RAD50: variants seen among roughly 807,000 people sequenced by gnomAD.
RAD50 encodes RAD50 double strand break repair protein.
Under a neutral mutation model 168.8 loss-of-function variants are expected in RAD50, and 132 were observed. The ratio of observed to expected loss-of-function variants is 0.78; its 90% CI spans 0.68 to 0.90. The LOEUF (loss-of-function observed/expected upper bound fraction) is 0.90, where lower values mean the gene tolerates loss of function less well. RAD50 is among the 40% of genes least tolerant of loss of function. The pLI, the probability that RAD50 is intolerant of heterozygous loss-of-function variation, is 0.00. For synonymous variants in RAD50, 525 were observed against 497.4 expected (o/e 1.06, Z -0.74); for missense variants, 1,347 against 1,534.4 (o/e 0.88, Z 2.04).
At chr5:132,576,174 G>T (rs989307607) in intron 3 of RAD50, among the ~76,000 whole-genome samples, 1 of 152,044 alleles carries the variant, frequency 6.6e-6, no homozygotes, top group Non-Finnish European at 1.5e-5. Flanking sequence ...ATTTTTTGTG[G>T]ATACTATTTG....
chr5:132,635,631 C>T (rs1751565743), intron 21 of RAD50, among the ~76,000 whole-genome samples: 1 of 152,172 alleles, frequency 6.6e-6, no homozygotes, highest in South Asian at 2.1e-4. Context: ...GCCTTGGCCA[C>T]CCCTGCCTTG....
rs1751298639 is a variant in RAD50 at position 132,622,207 on chromosome 5, C to G, written c.3389+3913C>G. Reference sequence around the variant, plus strand: ...ACAGAGTCTGGCTCTGTCGCCCAGGCTAGAGTGCAGTGGCATGATCTCGGC... The same window carrying G: ...ACAGAGTCTGGCTCTGTCGCCCAGGGTAGAGTGCAGTGGCATGATCTCGGC... On this transcript the variant is annotated intron_variant, in intron 21 of 24. Transcript: ENST00000378823. 4.6e-5 allele frequency among the ~76,000 whole-genome samples: 7 copies of G among 151,894 alleles called. No homozygotes were observed. The South Asian group carries it at 1.5e-3, about 32-fold the overall frequency.
rs1751777395 is a variant in RAD50 at position 132,643,379 on chromosome 5, G to A, written c.*1015G>A. On this transcript the variant is annotated 3_prime_UTR_variant, in exon 25 of 25. Coordinates refer to ENST00000378823, the MANE Select transcript of RAD50 (RefSeq NM_005732.4). ...TGAATCCTTCCATTCCACACAGAAT[G>A]CAACCAAGTCACACGCTTTTGAATT... 1 of 242,602 alleles carries A rather than the reference G, an allele frequency of 4.1e-6. No individual in the cohort carries two copies. Among genetic ancestry groups the A allele is most frequent in the Non-Finnish European group, 8.3e-6 (1 of 119,778 alleles). The allele number at this position is 242,602 out of a possible 1,614,324, so 15.0% of individuals were successfully genotyped here.
intron 16 of RAD50, among the ~76,000 whole-genome samples, chr5:132,605,619 T>G (rs941824740): frequency 2.6e-5 from 4 of 152,192 alleles, no homozygotes; most frequent in African/African-American, 9.6e-5. Context: ...CAGGCTTACA[T>G]CACCTCACCC....
intron 2 of RAD50, among the ~76,000 whole-genome samples, chr5:132,564,736 A>G (rs1646029144): frequency 6.6e-6 from 1 of 152,208 alleles, no homozygotes; most frequent in African/African-American, 2.4e-5. Flanking sequence ...GCTAGAAGGC[A>G]TTTCAGAGAT....
chr5:132,596,169 A>G (rs1000330068), intron 13 of RAD50, among the ~76,000 whole-genome samples: 1 of 151,754 alleles, frequency 6.6e-6, no homozygotes. Flanking sequence ...AATTTTTGTA[A>G]TTTTTAGTAG....
intron 13 of RAD50, among the ~76,000 whole-genome samples, chr5:132,596,215 G>A (rs1312198331): frequency 3.0e-5 from 4 of 133,962 alleles, no homozygotes; most frequent in East Asian, 2.0e-4. Context: ...GGCTAATCTC[G>A]AGCTCCTGGC....
intron 2 of RAD50, among the ~76,000 whole-genome samples, chr5:132,561,022 C>T (rs1750115985): frequency 6.6e-6 from 1 of 152,206 alleles, no homozygotes; most frequent in South Asian, 2.1e-4. Context: ...TCTCAATGTG[C>T]CAGATAGAGT....
intron 21 of RAD50, among the ~76,000 whole-genome samples, chr5:132,633,899 A>G (rs1751522075): frequency 7.2e-6 from 1 of 139,578 alleles, no homozygotes; most frequent in Non-Finnish European, 1.5e-5. Flanking sequence ...ATAACGGGTA[A>G]TAATTTTTTT....
In RAD50 at chr5:132,618,201, A is replaced by T; in HGVS notation, c.3296A>T (p.Asp1099Val). The T allele has an allele frequency of 6.2e-7, 1 of 1,614,010 alleles. No homozygotes were observed. The highest frequency in any genetic ancestry group is 8.5e-7 in the Non-Finnish European group (1 of 1,179,974). The change falls in exon 21 of 25, where the codon GAT becomes GTT. Residue 1099 changes from aspartate (D) to valine (V), a missense_variant. Around this residue, in one of 3 missense-constraint regions of RAD50, gnomAD observed 635 missense variants for 739.2 expected, o/e 0.86. Coordinates refer to ENST00000378823, the MANE Select transcript of RAD50 (RefSeq NM_005732.4). ...KKELREPQFRDAEEKYREMMI... is the reference protein window; with the variant it reads ...KKELREPQFRVAEEKYREMMI... ...GAACTTCGAGAACCACAATTTCGGG[A>T]TGCTGAGGAAAAGTATAGAGAAATG...
At chr5:132,619,893 G>T (rs1338798581) in intron 21 of RAD50, among the ~76,000 whole-genome samples, 278 of 123,234 alleles carry the variant, frequency 2.3e-3, no homozygotes, top group African/African-American at 0.011. Context: ...TATAGAGAGA[G>T]AGAGAGAGAG....
At chr5:132,580,568 T>C (rs910672978) in intron 5 of RAD50, among the ~76,000 whole-genome samples, 5 of 152,218 alleles carry the variant, frequency 3.3e-5, no homozygotes, top group South Asian at 2.1e-4. Flanking sequence ...AGAGAATTTT[T>C]AAAATTTGCA....
rs561655417 is a variant in RAD50 at position 132,642,191 on chromosome 5, C to A, written c.3766C>A (p.Arg1256Ser). 1.2e-6 allele frequency: 2 copies of A among 1,613,794 alleles called. No homozygotes were observed. Among genetic ancestry groups the A allele is most frequent in the Middle Eastern group, 3.3e-4 (2 of 6,062 alleles). ...AHALVEIIKS[R>S]SQQRNFQLLV... ...ATATTGTTGCAGGATAATAAAAAGT[C>A]GCTCACAGCAGCGTAACTTCCAGCT... The change falls in exon 25 of 25, where the codon CGC (arginine) becomes AGC (serine). Residue 1256 changes from arginine to serine, a missense_variant. Transcript: ENST00000378823.
chr5:132,614,520 G>A (rs1751141262), intron 19 of RAD50, among the ~76,000 whole-genome samples: 2 of 151,742 alleles, frequency 1.3e-5, no homozygotes, highest in Admixed American at 6.6e-5. Flanking sequence ...AACAGATACC[G>A]AAATCTAGGA....
In RAD50 at chr5:132,575,808, T is replaced by A. The variant is rs1485006175; in HGVS notation, c.245T>A (p.Ile82Asn). Reference sequence around the variant, plus strand: ...CAAGAAACAGATGTGAGAGCCCAGATTCGTCTGCAATTTCGTGATGTCAAT... The same window carrying A: ...CAAGAAACAGATGTGAGAGCCCAGAATCGTCTGCAATTTCGTGATGTCAAT... Reference protein sequence around the residue: ...VAQETDVRAQIRLQFRDVNGE... With the variant: ...VAQETDVRAQNRLQFRDVNGE... Residue 82 changes from isoleucine to asparagine, a missense_variant, in exon 3 of 25, where the codon ATT (isoleucine) becomes AAT (asparagine). Transcript: ENST00000378823. The A allele has an allele frequency of 1.9e-6, 3 of 1,601,034 alleles. No individual in the cohort carries two copies. Among genetic ancestry groups the A allele is most frequent in the Non-Finnish European group, 2.6e-6 (3 of 1,168,164 alleles).
At chr5:132,617,438 G>C (rs540729231) in intron 20 of RAD50, among the ~76,000 whole-genome samples, 17 of 152,200 alleles carry the variant, frequency 1.1e-4, no homozygotes, top group Middle Eastern at 3.4e-3. Context: ...CACATAAGAG[G>C]ATGCTTAATA....
chr5:132,562,316 A>G (rs1042990511), intron 2 of RAD50, among the ~76,000 whole-genome samples: 20 of 152,350 alleles, frequency 1.3e-4, no homozygotes, highest in Admixed American at 1.1e-3. Flanking sequence ...GACTGTCCGT[A>G]GGTAGCAAAG....
intron 11 of RAD50, chr5:132,592,627 A>AG (rs1750723166): frequency 3.7e-6 from 1 of 269,672 alleles, no homozygotes; most frequent in Non-Finnish European, 7.7e-6. Flanking sequence ...GGCCCTCCAG[A>AG]AAGTCAGCAA....
intron 13 of RAD50, 75 bp downstream of exon 13, chr5:132,595,885 T>C: frequency 7.4e-7 from 1 of 1,353,028 alleles, no homozygotes; most frequent in Non-Finnish European, 1.0e-6. Flanking sequence ...CCTGGGCAGA[T>C]GGTAGTTACT....
Sources: gnomAD v4.1 joint callset for allele counts (sites outside exome capture counted in the v4.1 genomes callset) on GRCh38, gnomAD v4.1.1 for gene constraint, gnomAD v4.1.1 regional missense constraint, MANE v1.5 for transcripts, NCBI Gene and HGNC (gene_info 2026-07-23, HGNC 2026-07-21) for gene names.